SHISA9: variants seen among roughly 807,000 people sequenced by gnomAD.
The protein encoded by SHISA9 is protein shisa-9.
In SHISA9, 13 loss-of-function variants were observed where a neutral mutation model predicts 38.0. That is an observed-to-expected ratio of 0.34 (90% CI 0.22 to 0.54). The LOEUF (loss-of-function observed/expected upper bound fraction) is 0.54, where lower values mean the gene tolerates loss of function less well. Ranked by LOEUF, SHISA9 falls within the 20% of genes least tolerant of loss-of-function variation. The probability of loss-of-function intolerance (pLI) is 0.91; values close to 1 mark genes in which losing one functional copy is unlikely to be tolerated. For missense variants in SHISA9, 538 were observed against 575.8 expected (o/e 0.93, Z 0.67); for synonymous variants, 275 against 242.0 (o/e 1.14, Z -1.27).
the SHISA9 span, among the ~76,000 whole-genome samples, chr16:13,475,468 A>T: frequency 5.4e-4 from 82 of 152,116 alleles, no homozygotes; most frequent in South Asian, 1.5e-3. Context: ...TCATTTGACA[A>T]ATATGTGTCA....
At chr16:12,942,564 C>T (rs1381147531) in intron 2 of SHISA9, among the ~76,000 whole-genome samples, 1 of 152,204 alleles carries the variant, frequency 6.6e-6, no homozygotes, top group Non-Finnish European at 1.5e-5. Flanking sequence ...CTCCATATCT[C>T]CCAGTAGTTC....
At chr16:13,300,530 G>T in the SHISA9 span, among the ~76,000 whole-genome samples, 8 of 152,148 alleles carry the variant, frequency 5.3e-5, no homozygotes, top group Non-Finnish European at 7.3e-5. Flanking sequence ...ATTGGGAATT[G>T]GAGGCCCTTT....
At chr16:13,086,039 C>G (rs998792851) in intron 2 of SHISA9, among the ~76,000 whole-genome samples, 2 of 152,050 alleles carry the variant, frequency 1.3e-5, no homozygotes, top group Non-Finnish European at 1.5e-5. Context: ...GTTTTTAAAG[C>G]TAACTAAAAT....
chr16:13,454,337 G>C, the SHISA9 span, among the ~76,000 whole-genome samples: 2 of 152,364 alleles, frequency 1.3e-5, no homozygotes, highest in South Asian at 4.1e-4. Flanking sequence ...GATGCAGGCA[G>C]AGTAGGAGAA....
the SHISA9 span, among the ~76,000 whole-genome samples, chr16:13,277,933 C>T: frequency 6.6e-6 from 1 of 152,054 alleles, no homozygotes; most frequent in South Asian, 2.1e-4. Flanking sequence ...AATGTTCTGG[C>T]TAAGATGTCT....
chr16:12,966,217 A>G (rs1347429186), intron 2 of SHISA9, among the ~76,000 whole-genome samples: 1 of 152,138 alleles, frequency 6.6e-6, no homozygotes, highest in Non-Finnish European at 1.5e-5. Flanking sequence ...TGGATACTTC[A>G]CTTTCCTACA....
At chr16:13,476,738 G>GTTTTTT in the SHISA9 span, among the ~76,000 whole-genome samples, 351 of 65,234 alleles carry the variant, frequency 5.4e-3, 53 homozygotes, top group Non-Finnish European at 8.2e-3. Flanking sequence ...CCTGTTTTGT[G>GTTTTTT]TTTTTTTTTT....
intron 2 of SHISA9, among the ~76,000 whole-genome samples, chr16:13,059,352 C>G (rs1458461071): frequency 6.6e-6 from 1 of 152,070 alleles, no homozygotes; most frequent in Non-Finnish European, 1.5e-5. Context: ...TGGTCTCAAT[C>G]TCCTGACCTC....
At chr16:13,452,341 C>T in the SHISA9 span, among the ~76,000 whole-genome samples, 1 of 152,162 alleles carries the variant, frequency 6.6e-6, no homozygotes, top group Non-Finnish European at 1.5e-5. Flanking sequence ...CAAGAAAGAG[C>T]CTCAAACTGA....
At chr16:13,466,372 G>A in the SHISA9 span, among the ~76,000 whole-genome samples, 3 of 152,286 alleles carry the variant, frequency 2.0e-5, no homozygotes, top group African/African-American at 7.2e-5. Context: ...CAGGAGATCC[G>A]TTAGGGCATC....
At chr16:13,309,878 CTATTTATT>C in the SHISA9 span, among the ~76,000 whole-genome samples, 7 of 151,264 alleles carry the variant, frequency 4.6e-5, no homozygotes, top group Non-Finnish European at 5.9e-5. Flanking sequence ...ATTTACTTAT[CTATTTATT>C]TATTTATTTA....
the SHISA9 span, among the ~76,000 whole-genome samples, chr16:13,364,575 A>G: frequency 4.6e-5 from 7 of 152,348 alleles, no homozygotes; most frequent in Middle Eastern, 6.8e-3. Flanking sequence ...ACAATGCCCA[A>G]TTATAGTGAA....
At chr16:13,184,686 A>T (rs1270312108) in intron 2 of SHISA9, among the ~76,000 whole-genome samples, 1 of 152,142 alleles carries the variant, frequency 6.6e-6, no homozygotes, top group Non-Finnish European at 1.5e-5. Flanking sequence ...TCTTTTCCAC[A>T]ATGTCTTATA....
At chr16:13,425,502 C>G in the SHISA9 span, among the ~76,000 whole-genome samples, 2,964 of 151,628 alleles carry the variant, frequency 0.02, 39 homozygotes, top group Middle Eastern at 0.052. Context: ...AAAACAAAAA[C>G]TAAAACAAAC....
the SHISA9 span, among the ~76,000 whole-genome samples, chr16:13,294,906 A>G: frequency 6.6e-6 from 1 of 152,224 alleles, no homozygotes; most frequent in African/African-American, 2.4e-5. Context: ...ATAGTGCAGT[A>G]ACCGTTCTAA....
the SHISA9 span, among the ~76,000 whole-genome samples, chr16:13,341,494 C>T: frequency 6.6e-6 from 1 of 151,986 alleles, no homozygotes; most frequent in African/African-American, 2.4e-5. Flanking sequence ...AAAATGAGGA[C>T]AAATAACAGA....
chr16:13,264,933 C>T, the SHISA9 span, among the ~76,000 whole-genome samples: 2 of 150,836 alleles, frequency 1.3e-5, no homozygotes, highest in South Asian at 2.1e-4. Context: ...CCCTCCCTCG[C>T]TCCTCCTTTT....
At chr16:13,369,921 G>C in the SHISA9 span, among the ~76,000 whole-genome samples, 3 of 152,124 alleles carry the variant, frequency 2.0e-5, no homozygotes, top group South Asian at 6.2e-4. Context: ...TTGGAGACCT[G>C]GCCTAGGCAT....
At chr16:13,003,889 T>TAATAATAATAATAATAAGAAG (rs770958492) in intron 2 of SHISA9, among the ~76,000 whole-genome samples, 1 of 145,878 alleles carries the variant, frequency 6.9e-6, no homozygotes, top group African/African-American at 2.5e-5. Flanking sequence ...ATAATAATAA[T>TAATAATAATAATAATAAGAAG]AAGAAGAAGA....
Sources: allele counts gnomAD v4.1 joint callset (sites outside exome capture counted in the v4.1 genomes callset), GRCh38; gene constraint gnomAD v4.1.1; transcripts MANE v1.5; gene names NCBI Gene and HGNC (gene_info 2026-07-23, HGNC 2026-07-21).